Variants in MYL4 observed in about 807,000 individuals in gnomAD.
MYL4 encodes the protein myosin light chain 4, also known as atrial myosin light chain 1.
In MYL4, 16 loss-of-function variants were observed where a neutral mutation model predicts 21.6. The ratio of observed to expected loss-of-function variants is 0.74; its 90% CI spans 0.50 to 1.12. The LOEUF (loss-of-function observed/expected upper bound fraction) is 1.12. Among genes scored for constraint, MYL4 ranks in the 50% most tolerant of loss-of-function variants. The pLI, the probability that MYL4 is intolerant of heterozygous loss-of-function variation, is 0.00. For missense variants in MYL4, 249 were observed against 252.9 expected (o/e 0.98, Z 0.11); for synonymous variants, 82 against 95.7 (o/e 0.86, Z 0.83).
upstream of MYL4, among the ~76,000 whole-genome samples, chr17:47,206,900 G>A (rs1028921667): frequency 2.0e-5 from 3 of 152,318 alleles, no homozygotes; most frequent in African/African-American, 7.2e-5. Flanking sequence ...GGATGCAGGT[G>A]GAGGTGGAGA....
chr17:47,212,130 C>T (rs142040629), intron 1 of MYL4, among the ~76,000 whole-genome samples: 165 of 151,966 alleles, frequency 1.1e-3, no homozygotes, highest in African/African-American at 3.8e-3. Context: ...GCAGAAGAAT[C>T]GCTTGAACTT....
chr17:47,211,602 G>A (rs1226832267), intron 1 of MYL4, among the ~76,000 whole-genome samples: 1 of 152,100 alleles, frequency 6.6e-6, no homozygotes, highest in Admixed American at 6.5e-5. Flanking sequence ...CATCTAGGGG[G>A]TTCCTTTAAC....
chr17:47,193,731 C>T, the MYL4 span, among the ~76,000 whole-genome samples: 1 of 150,332 alleles, frequency 6.7e-6, no homozygotes, highest in Non-Finnish European at 1.5e-5. Flanking sequence ...TTCCTTCCTT[C>T]CTTTCTTTCT....
At chr17:47,213,153 A>G (rs1470468303) in intron 1 of MYL4, among the ~76,000 whole-genome samples, 4 of 152,208 alleles carry the variant, frequency 2.6e-5, no homozygotes, top group African/African-American at 9.7e-5. Context: ...GTGGGTGGCT[A>G]GGATGAAGAA....
chr17:47,208,851 T>G (rs1233970250), upstream of MYL4, among the ~76,000 whole-genome samples: 1 of 152,018 alleles, frequency 6.6e-6, no homozygotes, highest in African/African-American at 2.4e-5. Context: ...TGGGGCAGTG[T>G]GGGTTGGCTG....
At chr17:47,217,045 C>T (rs1043869391) in intron 2 of MYL4, among the ~76,000 whole-genome samples, 2 of 152,178 alleles carry the variant, frequency 1.3e-5, no homozygotes, top group African/African-American at 2.4e-5. Context: ...AACTTGACCT[C>T]ACTCTTCTGA....
chr17:47,216,010 C>A (rs2064810894), intron 2 of MYL4, among the ~76,000 whole-genome samples: 1 of 151,906 alleles, frequency 6.6e-6, no homozygotes, highest in Admixed American at 6.6e-5. Context: ...AACTCCTGGC[C>A]TCAAGCAATC....
chr17:47,192,727 C>T, the MYL4 span, among the ~76,000 whole-genome samples: 3 of 151,984 alleles, frequency 2.0e-5, no homozygotes, highest in Non-Finnish European at 2.9e-5. Context: ...TCATCCACAG[C>T]AAAGCCACAT....
chr17:47,201,028 T>A (rs2064707392), intron 1 of MYL4, among the ~76,000 whole-genome samples: 1 of 152,058 alleles, frequency 6.6e-6, no homozygotes, highest in Admixed American at 6.6e-5. Context: ...AAAAATTAGC[T>A]GGGCATGGTG....
chr17:47,220,096 G>C, intron 3 of MYL4, 43 bp downstream of exon 3: 1 of 1,553,800 alleles, frequency 6.4e-7, no homozygotes, highest in Non-Finnish European at 8.7e-7. Context: ...GGTCAGGCTT[G>C]CAGCCCCTTG....
intron 2 of MYL4, 150 bp from the exon 3 acceptor site, chr17:47,219,754 A>G: frequency 1.0e-6 from 1 of 956,450 alleles, no homozygotes. Flanking sequence ...GACGGGTTCG[A>G]GGGACGGCCT....
At chr17:47,220,651 T>C (rs1449569406) in intron 3 of MYL4, among the ~76,000 whole-genome samples, 1 of 152,226 alleles carries the variant, frequency 6.6e-6, no homozygotes, top group Non-Finnish European at 1.5e-5. Flanking sequence ...GATTCTTTTG[T>C]GGCTCCTAAG....
the MYL4 span, among the ~76,000 whole-genome samples, chr17:47,191,617 C>T: frequency 5.9e-5 from 9 of 152,022 alleles, no homozygotes; most frequent in African/African-American, 1.4e-4. Flanking sequence ...ATTGCAGGTG[C>T]GCACCACCAC....
At chr17:47,189,845 C>A in the MYL4 span, among the ~76,000 whole-genome samples, 6 of 152,112 alleles carry the variant, frequency 3.9e-5, no homozygotes, top group Admixed American at 1.3e-4. Context: ...CTTCTGTCTT[C>A]AAGGAGATTA....
chr17:47,221,934 G>T, intron 4 of MYL4, 79 bp downstream of exon 4: 2 of 1,484,780 alleles, frequency 1.3e-6, no homozygotes, highest in Non-Finnish European at 9.1e-7. Flanking sequence ...TATGCTGGTT[G>T]GGTGGGGGGT....
At chr17:47,208,281 A>G (rs1310341737), upstream of MYL4, among the ~76,000 whole-genome samples, 1 of 152,028 alleles carries the variant, frequency 6.6e-6, no homozygotes, top group Non-Finnish European at 1.5e-5. Flanking sequence ...AAACTCCCCC[A>G]AAATTAGCCA....
chr17:47,199,487 G>A (rs1306746864), upstream of MYL4, among the ~76,000 whole-genome samples: 2 of 151,830 alleles, frequency 1.3e-5, no homozygotes, highest in Non-Finnish European at 2.9e-5. Context: ...TGCCCAGCCT[G>A]CAGGTACTTC....
chr17:47,206,790 G>A (rs2064729858), upstream of MYL4, among the ~76,000 whole-genome samples: 3 of 152,316 alleles, frequency 2.0e-5, no homozygotes, highest in Middle Eastern at 6.8e-3. Context: ...GGCAGAGTCA[G>A]GACTAGTGCC....
At chr17:47,198,450 A>G (rs574015429), upstream of MYL4, among the ~76,000 whole-genome samples, 14 of 152,208 alleles carry the variant, frequency 9.2e-5, no homozygotes, top group African/African-American at 3.4e-4. Context: ...CAAATAATAG[A>G]TTATTTGCTT....
Sources: gnomAD v4.1 joint callset for allele counts (sites outside exome capture counted in the v4.1 genomes callset) on GRCh38, gnomAD v4.1.1 for gene constraint, MANE v1.5 for transcripts, NCBI Gene and HGNC (gene_info 2026-07-23, HGNC 2026-07-21) for gene names.